The following TRABD2B variants were observed in gnomAD, a reference collection of about 807,000 sequenced individuals.
TRABD2B encodes the protein TraB domain containing 2B.
TRABD2B carries 14 observed loss-of-function variants against 40.1 expected under a neutral mutation model. The observed-to-expected ratio is 0.35, with a 90% CI of 0.23 to 0.55. The LOEUF (loss-of-function observed/expected upper bound fraction) is 0.55. Among genes scored for constraint, TRABD2B ranks in the 20% least tolerant of loss-of-function variants. TRABD2B has a pLI of 0.90. For synonymous variants in TRABD2B, 263 were observed against 277.0 expected (o/e 0.95, Z 0.50); for missense variants, 541 against 648.6 (o/e 0.83, Z 1.80).
At chr1:47,887,461 T>TAA (rs1644385660) in intron 2 of TRABD2B, among the ~76,000 whole-genome samples, 1 of 151,960 alleles carries the variant, frequency 6.6e-6, no homozygotes, top group Admixed American at 6.6e-5. Context: ...CAATTTCCCC[T>TAA]AAGCAGGGAC....
chr1:47,963,719 T>C (rs1402462473), intron 2 of TRABD2B, among the ~76,000 whole-genome samples: 2 of 152,246 alleles, frequency 1.3e-5, no homozygotes, highest in African/African-American at 4.8e-5. Flanking sequence ...TGGTACATTA[T>C]GTACCCATCT....
intron 3 of TRABD2B, among the ~76,000 whole-genome samples, chr1:47,799,769 C>G (rs1019132073): frequency 1.3e-5 from 2 of 152,152 alleles, no homozygotes; most frequent in African/African-American, 4.8e-5. Context: ...ATGGCCAACT[C>G]AGGTTCTTCC....
intron 3 of TRABD2B, among the ~76,000 whole-genome samples, chr1:47,797,681 T>C (rs921172312): frequency 6.6e-6 from 1 of 152,126 alleles, no homozygotes; most frequent in African/African-American, 2.4e-5. Context: ...GCATGTTTCA[T>C]GCTGATGGGC....
chr1:47,923,894 C>T (rs1214490723), intron 2 of TRABD2B, among the ~76,000 whole-genome samples: 1 of 150,202 alleles, frequency 6.7e-6, no homozygotes, highest in Non-Finnish European at 1.5e-5. Context: ...CTCTCTCTCA[C>T]TCTCTACACA....
chr1:47,781,066 A>C (rs1644514775), intron 4 of TRABD2B, among the ~76,000 whole-genome samples: 1 of 152,166 alleles, frequency 6.6e-6, no homozygotes, highest in Non-Finnish European at 1.5e-5. Flanking sequence ...TGGGCTGGAG[A>C]CAGTCCCCGG....
intron 2 of TRABD2B, among the ~76,000 whole-genome samples, chr1:47,889,633 T>C (rs1184423166): frequency 6.6e-6 from 1 of 152,214 alleles, no homozygotes; most frequent in Non-Finnish European, 1.5e-5. Context: ...AGGTCAAAGA[T>C]GCATAGCTGC....
intron 2 of TRABD2B, among the ~76,000 whole-genome samples, chr1:47,876,201 G>A (rs565087998): frequency 6.6e-6 from 1 of 152,286 alleles, no homozygotes; most frequent in Non-Finnish European, 1.5e-5. Context: ...CTAAGCCTCA[G>A]TTCAGTCAAC....
intron 4 of TRABD2B, among the ~76,000 whole-genome samples, chr1:47,786,631 C>G (rs1319250651): frequency 6.6e-6 from 1 of 152,228 alleles, no homozygotes; most frequent in East Asian, 1.9e-4. Context: ...TGGCCTCAAG[C>G]TCCAGCTTGG....
chr1:47,774,166 G>A (rs1644412384), intron 6 of TRABD2B, among the ~76,000 whole-genome samples: 1 of 152,242 alleles, frequency 6.6e-6, no homozygotes, highest in South Asian at 2.1e-4. Context: ...TGAGGTCTGC[G>A]GTGGGGCCTG....
At chr1:47,858,199 T>C (rs981486425) in intron 2 of TRABD2B, among the ~76,000 whole-genome samples, 1 of 145,486 alleles carries the variant, frequency 6.9e-6, no homozygotes, top group African/African-American at 2.6e-5. Context: ...TCATTCTTTA[T>C]TTTACTTTAT....
chr1:47,962,028 C>T (rs1421440767), intron 2 of TRABD2B, among the ~76,000 whole-genome samples: 1 of 152,102 alleles, frequency 6.6e-6, no homozygotes, highest in African/African-American at 2.4e-5. Flanking sequence ...GAATACTATG[C>T]AGCCATAAAA....
At chr1:47,821,896 A>G (rs1570044468) in intron 2 of TRABD2B, among the ~76,000 whole-genome samples, 3 of 152,192 alleles carry the variant, frequency 2.0e-5, no homozygotes, top group African/African-American at 7.2e-5. Context: ...AAATTATTCT[A>G]CAGGGGGTGG....
chr1:47,782,066 A>T (rs1205844566), intron 4 of TRABD2B, among the ~76,000 whole-genome samples: 1 of 152,168 alleles, frequency 6.6e-6, no homozygotes, highest in Non-Finnish European at 1.5e-5. Context: ...TGGTTTTGGT[A>T]ACTACACAAT....
intron 2 of TRABD2B, among the ~76,000 whole-genome samples, chr1:47,971,131 G>T (rs750958677): frequency 2.1e-4 from 32 of 152,190 alleles, no homozygotes; most frequent in Non-Finnish European, 4.1e-4. Flanking sequence ...GGAAGGCCTG[G>T]CTTGTATCAT....
At chr1:47,898,729 T>C (rs1393876715) in intron 2 of TRABD2B, among the ~76,000 whole-genome samples, 1 of 152,188 alleles carries the variant, frequency 6.6e-6, no homozygotes, top group Non-Finnish European at 1.5e-5. Context: ...CAAATGTTAA[T>C]GTATTTGATT....
chr1:47,992,354 T>C (rs936709103), intron 2 of TRABD2B, among the ~76,000 whole-genome samples: 3 of 152,226 alleles, frequency 2.0e-5, no homozygotes, highest in African/African-American at 7.2e-5. Flanking sequence ...AAAGCCATCA[T>C]TTGGTTGAAC....
At chr1:47,810,161 C>T (rs901562478) in intron 2 of TRABD2B, among the ~76,000 whole-genome samples, 6 of 151,244 alleles carry the variant, frequency 4.0e-5, no homozygotes, top group South Asian at 4.2e-4. Flanking sequence ...TGTGCGCGCG[C>T]GCGCGCGCAC....
Position 47,761,300 on chromosome 1 carries a change from G to C in TRABD2B, c.*4602C>G, listed in dbSNP as rs956437465. The C allele has an allele frequency of 6.6e-6, 1 of 152,344 alleles. No homozygotes were observed. Among genetic ancestry groups the C allele is most frequent in the Non-Finnish European group, 1.5e-5 (1 of 68,140 alleles). The allele number at this position is 152,344 out of a possible 1,614,324, so 9.4% of individuals were successfully genotyped here. A position where few individuals can be genotyped will look rare whatever the true frequency, so the allele number is the denominator to read the frequency against. ...TGCTCCCTGGAAAGAGCCAAGTAGG[G>C]GGTCAATCAGTTCTCGTGAACCCTT... On this transcript the variant is annotated 3_prime_UTR_variant, in exon 7 of 7. Coordinates refer to ENST00000606738, the MANE Select transcript of TRABD2B (RefSeq NM_001194986.2).
At chr1:47,858,280 C>A (rs1366258119) in intron 2 of TRABD2B, among the ~76,000 whole-genome samples, 1 of 145,334 alleles carries the variant, frequency 6.9e-6, no homozygotes, top group Non-Finnish European at 1.5e-5. Context: ...TTTTTTGAGA[C>A]AGGGTCTTGC....
Sources: allele counts gnomAD v4.1 joint callset (sites outside exome capture counted in the v4.1 genomes callset), GRCh38; gene constraint gnomAD v4.1.1; transcripts MANE v1.5; gene names NCBI Gene and HGNC (gene_info 2026-07-23, HGNC 2026-07-21).